FGD2: variants seen among roughly 807,000 people sequenced by gnomAD.
The protein encoded by FGD2 is FYVE, RhoGEF and PH domain-containing protein 2.
FGD2 carries 52 observed loss-of-function variants against 75.9 expected under a neutral mutation model. The ratio of observed to expected loss-of-function variants is 0.69; its 90% CI spans 0.55 to 0.86. FGD2 has a LOEUF of 0.86. FGD2 is among the 40% of genes least tolerant of loss of function. The pLI is 0.00. For synonymous variants in FGD2, 347 were observed against 348.6 expected (o/e 1.00, Z 0.05); for missense variants, 790 against 872.0 (o/e 0.91, Z 1.18).
intron 9 of FGD2, among the ~76,000 whole-genome samples, chr6:37,016,199 G>A (rs1435017065): frequency 6.6e-6 from 1 of 152,196 alleles, no homozygotes; most frequent in African/African-American, 2.4e-5. Context: ...TTCTGAATCA[G>A]GAGGTCTGGG....
At chr6:37,005,946 C>T in intron 1 of FGD2, 61 bp downstream of exon 1, 1 of 1,578,860 alleles carries the variant, frequency 6.3e-7, no homozygotes, top group African/African-American at 1.3e-5. Context: ...TCCAGCCTTT[C>T]TGGCAGCTCT....
chr6:37,027,814 C>T, intron 15 of FGD2, 134 bp from the exon 16 acceptor site: 2 of 1,127,858 alleles, frequency 1.8e-6, no homozygotes, highest in Non-Finnish European at 1.3e-6. Flanking sequence ...CCTCGATGGC[C>T]TTCACCAGCC....
intron 7 of FGD2, 47 bp downstream of exon 7, chr6:37,014,751 T>C: frequency 1.9e-6 from 3 of 1,612,412 alleles, no homozygotes; most frequent in Non-Finnish European, 2.5e-6. Flanking sequence ...TCCCTGCAGG[T>C]CTCAGCCTGG....
chr6:37,008,031 C>T (rs78826577), intron 1 of FGD2, among the ~76,000 whole-genome samples: 4,391 of 152,330 alleles, frequency 0.029, 84 homozygotes, highest in Middle Eastern at 0.1. Context: ...ACTTCCGAGC[C>T]GCATGTTACT....
At chr6:37,025,367 G>C (rs1708776005) in intron 13 of FGD2, 1 of 195,610 alleles carries the variant, frequency 5.1e-6, no homozygotes, top group Admixed American at 5.3e-5. Context: ...GAGGACAAAA[G>C]CTGGGCCCTG....
At chr6:37,027,705 G>GT (rs1306220772) in intron 15 of FGD2, 130 bp downstream of exon 15, 1 of 1,233,374 alleles carries the variant, frequency 8.1e-7, no homozygotes, top group Admixed American at 2.4e-5. Context: ...TGAGGATATG[G>GT]TATCCTGGAG....
rs754991704 is a variant in FGD2, at chr6:37,027,417, T to G, written c.1606-12T>G. 1.9e-5 allele frequency: 31 copies of G among 1,598,162 alleles called. No individual in the cohort carries two copies. Among genetic ancestry groups the G allele is most frequent in the Non-Finnish European group, 2.5e-5 (29 of 1,169,424 alleles). On this transcript the variant is annotated splice_polypyrimidine_tract_variant and intron_variant, in intron 14 of 15. Transcript: ENST00000274963. ...TGCTCTGCTCCCTGACAGTCCCTCC[T>G]TCTGGTTTTAGAAAGGGTCCTCAGC...
chr6:37,014,283 G>A (rs1428717249), intron 6 of FGD2, 183 bp downstream of exon 6: 7 of 767,450 alleles, frequency 9.1e-6, no homozygotes, highest in Admixed American at 3.0e-5. Flanking sequence ...GGCCCAGAGA[G>A]GTTTAGTGAC....
In FGD2 at chr6:37,010,605, G is replaced by T. The variant is rs1284567097; in HGVS notation, c.301-368G>T. 5.3e-5 allele frequency among the ~76,000 whole-genome samples: 8 copies of T among 152,330 alleles called. No homozygotes were observed. In the East Asian group the frequency reaches 1.2e-3, roughly 22 times the overall value. On this transcript the variant is annotated intron_variant, in intron 2 of 15. Transcript: ENST00000274963. ...GACAGCCGGAAGACTGGGCTCAGCT[G>T]GGATGCTGGCAGGGCTGGGCTCTTT...
At chr6:37,018,250 TG>T (rs1029571204) in intron 9 of FGD2, among the ~76,000 whole-genome samples, 2 of 151,944 alleles carry the variant, frequency 1.3e-5, no homozygotes, top group African/African-American at 2.4e-5. Context: ...ATGCTTTGGG[TG>T]TGTGTTGAGA....
chr6:37,026,944 G>T (rs1765852606), intron 14 of FGD2, among the ~76,000 whole-genome samples: 1 of 151,874 alleles, frequency 6.6e-6, no homozygotes, highest in South Asian at 2.1e-4. Context: ...GGAGGTGGAG[G>T]TTGCAATGTG....
chr6:37,006,660 T>C (rs1445946229), intron 1 of FGD2, among the ~76,000 whole-genome samples: 1 of 152,106 alleles, frequency 6.6e-6, no homozygotes, highest in Non-Finnish European at 1.5e-5. Flanking sequence ...GTGGCATCAA[T>C]CCATTCTGCA....
chr6:37,020,888 A>ATGTGTGTG (rs58421270), intron 11 of FGD2, 149 bp downstream of exon 11: 30,871 of 692,160 alleles, frequency 0.045, 422 homozygotes, highest in African/African-American at 0.096. Flanking sequence ...GTATGTATGC[A>ATGTGTGTG]TGTGTGTGTG....
At chr6:37,016,893 C>T (rs61544478) in intron 9 of FGD2, among the ~76,000 whole-genome samples, 1,924 of 152,178 alleles carry the variant, frequency 0.013, 49 homozygotes, top group African/African-American at 0.044. Context: ...ACAGATTATA[C>T]ACATTCTAAA....
intron 4 of FGD2, 54 bp downstream of exon 4, chr6:37,011,908 A>G: frequency 1.9e-6 from 3 of 1,584,844 alleles, no homozygotes; most frequent in African/African-American, 1.4e-5. Flanking sequence ...GGCCAGGTGG[A>G]GGTGGGGAGA....
chr6:37,021,108 G>A (rs180725433), intron 11 of FGD2, among the ~76,000 whole-genome samples: 2 of 151,906 alleles, frequency 1.3e-5, no homozygotes, highest in East Asian at 3.9e-4. Context: ...GTGTATGTAC[G>A]TGCTTGTGTG....
chr6:37,022,454 C>A, intron 13 of FGD2, 84 bp downstream of exon 13: 1 of 1,474,754 alleles, frequency 6.8e-7, no homozygotes. Flanking sequence ...CCTTTCCTAC[C>A]TAGGCCTCCG....
intron 9 of FGD2, among the ~76,000 whole-genome samples, chr6:37,018,537 T>C (rs1228411143): frequency 1.3e-5 from 2 of 152,182 alleles, no homozygotes; most frequent in African/African-American, 4.8e-5. Context: ...CAGCAGCTGA[T>C]TCTCTCCAAG....
chr6:37,025,572 G>A (rs201954560), intron 13 of FGD2: 27 of 577,766 alleles, frequency 4.7e-5, no homozygotes, highest in Admixed American at 1.2e-4. Context: ...CTCAGCCTAA[G>A]AGCCCCGAGC....
Sources: allele counts gnomAD v4.1 joint callset (sites outside exome capture counted in the v4.1 genomes callset), GRCh38; gene constraint gnomAD v4.1.1; transcripts MANE v1.5; gene names NCBI Gene and HGNC (gene_info 2026-07-23, HGNC 2026-07-21).